FER: variants seen among roughly 807,000 people sequenced by gnomAD.
FER encodes the protein tyrosine-protein kinase Fer.
A neutral mutation model predicts 111.0 loss-of-function variants in FER; 63 were observed. The observed-to-expected ratio is 0.57, with a 90% confidence interval of 0.46 to 0.70. FER has a LOEUF of 0.70. Ranked by LOEUF, FER falls within the 30% of genes least tolerant of loss-of-function variation. The probability of loss-of-function intolerance (pLI) is 0.00; values close to 1 mark genes in which losing one functional copy is unlikely to be tolerated. For missense variants in FER, 914 were observed against 954.0 expected, an observed-to-expected ratio of 0.96 and a Z score of 0.55; for synonymous variants, 327 against 313.9, an observed-to-expected ratio of 1.04 and a Z score of -0.44.
At chr5:108,863,911 C>T (rs1371668638) in intron 5 of FER, among the ~76,000 whole-genome samples, 1 of 151,932 alleles carries the variant, frequency 6.6e-6, no homozygotes, top group Non-Finnish European at 1.5e-5. Context: ...AAGTTTTTTT[C>T]TTTCTTTCTG....
chr5:109,021,177 G>T (rs1186528126), intron 13 of FER, among the ~76,000 whole-genome samples: 1 of 151,930 alleles, frequency 6.6e-6, no homozygotes, highest in East Asian at 1.9e-4. Flanking sequence ...GCTGTACTCA[G>T]TGTTATCCTA....
chr5:108,833,657 G>A (rs560736866), intron 4 of FER, among the ~76,000 whole-genome samples: 10 of 152,084 alleles, frequency 6.6e-5, no homozygotes, highest in African/African-American at 2.4e-4. Context: ...GGCGGATCAC[G>A]AGGTCAGGAG....
At chr5:108,975,173 G>A (rs1761169175) in intron 13 of FER, among the ~76,000 whole-genome samples, 1 of 152,162 alleles carries the variant, frequency 6.6e-6, no homozygotes, top group Admixed American at 6.5e-5. Context: ...AACACTGCAT[G>A]TTCTCACTCA....
intron 8 of FER, among the ~76,000 whole-genome samples, chr5:108,878,522 G>C (rs934133132): frequency 2.6e-5 from 4 of 151,982 alleles, no homozygotes; most frequent in Non-Finnish European, 4.4e-5. Context: ...AATGTGTACA[G>C]TGTTTTACTA....
chr5:108,974,441 A>T (rs898830051), intron 13 of FER, among the ~76,000 whole-genome samples: 1 of 152,308 alleles, frequency 6.6e-6, no homozygotes, highest in South Asian at 2.1e-4. Context: ...GCACATTTGA[A>T]GAACTATTTG....
intron 2 of FER, chr5:108,785,099 G>A: frequency 4.4e-6 from 2 of 455,164 alleles, no homozygotes; most frequent in East Asian, 9.4e-5. Flanking sequence ...CCCTATCACT[G>A]TCTCCTGTAG....
At chr5:108,839,003 T>TC (rs1211635176) in intron 5 of FER, among the ~76,000 whole-genome samples, 1 of 152,124 alleles carries the variant, frequency 6.6e-6, no homozygotes, top group Non-Finnish European at 1.5e-5. Flanking sequence ...TGGAGGTGTT[T>TC]CTTTTTTTTT....
chr5:108,889,679 A>G (rs1380036506), intron 9 of FER, among the ~76,000 whole-genome samples: 1 of 151,960 alleles, frequency 6.6e-6, no homozygotes, highest in Non-Finnish European at 1.5e-5. Context: ...AGGATAGTTT[A>G]TAACACAAAG....
intron 13 of FER, among the ~76,000 whole-genome samples, chr5:109,020,094 T>G (rs1473356548): frequency 6.6e-6 from 1 of 152,020 alleles, no homozygotes; most frequent in African/African-American, 2.4e-5. Flanking sequence ...CTCTTAATGA[T>G]TGGCTTTCTG....
rs568101745 is a variant in FER at position 109,189,608 on chromosome 5, C to CACTT, written c.*2036_*2039dup. ...ACTCAGAAGTGCTATGGTATTGAGGCACTTACCAACCTTCAAAAGTAAGAG... is the reference window on the plus strand; with the variant it reads ...ACTCAGAAGTGCTATGGTATTGAGGCACTTACTTACCAACCTTCAAAAGTAAGAG... On this transcript the variant is annotated 3_prime_UTR_variant, in exon 20 of 20. Coordinates refer to ENST00000281092, the MANE Select transcript of FER (RefSeq NM_005246.4). The CACTT allele has an allele frequency of 8.2e-4, 125 of 152,294 alleles. No homozygotes were observed. Among genetic ancestry groups the CACTT allele is most frequent in the African/African-American group, 2.7e-3 (114 of 41,564 alleles). The allele number at this position is 152,294 out of a possible 1,614,324, so 9.4% of individuals were successfully genotyped here.
intron 2 of FER, among the ~76,000 whole-genome samples, chr5:108,777,643 C>T (rs13177718): frequency 0.051 from 7,725 of 152,198 alleles, 285 homozygotes; most frequent in Non-Finnish European, 0.074. Context: ...TGTATGAGTC[C>T]ATTTTCACAC....
At chr5:109,023,608 G>T (rs563326920) in intron 13 of FER, among the ~76,000 whole-genome samples, 6 of 151,756 alleles carry the variant, frequency 4.0e-5, no homozygotes, top group Non-Finnish European at 8.8e-5. Context: ...GTTCCCTTAT[G>T]TCCATTTTTA....
chr5:109,086,962 A>C (rs914219465), intron 16 of FER, among the ~76,000 whole-genome samples: 2 of 148,392 alleles, frequency 1.3e-5, no homozygotes, highest in Non-Finnish European at 3.0e-5. Flanking sequence ...GTCTGTGTCT[A>C]ATCTCCTCCT....
At position 108,833,018 on chromosome 5, in the gene FER, T is replaced by A. The variant is rs1760210510; in HGVS notation, c.381+75T>A. ...ACAGAAATATTTTACCTTATTTGGC[T>A]TTAAAAATTGTTTATTCATCATTTC... On this transcript the variant is annotated intron_variant, in intron 4 of 19. Coordinates refer to ENST00000281092, the MANE Select transcript of FER (RefSeq NM_005246.4). 41 of 1,352,030 alleles carry A rather than the reference T, an allele frequency of 3.0e-5. No homozygotes were observed. The East Asian group carries it at 9.8e-4, about 32-fold the overall frequency. The allele number at this position is 1,352,030 out of a possible 1,614,324, so 83.8% of individuals were successfully genotyped here.
chr5:108,757,506 A>G (rs1751250366), intron 1 of FER, among the ~76,000 whole-genome samples: 1 of 152,218 alleles, frequency 6.6e-6, no homozygotes, highest in Non-Finnish European at 1.5e-5. Flanking sequence ...TGTTGAATTC[A>G]GTGAGTCTTT....
chr5:108,905,610 G>C lies in FER; in HGVS notation c.1236+7762G>C, dbSNP rs554557982. Among the ~76,000 whole-genome samples, 333 of 152,220 alleles carry C rather than the reference G, an allele frequency of 2.2e-3. 1 individual carries two copies. Among genetic ancestry groups the C allele is most frequent in the African/African-American group, 7.7e-3 (322 of 41,560 alleles). On this transcript the variant is annotated intron_variant, in intron 10 of 19. Coordinates refer to ENST00000281092, the MANE Select transcript of FER (RefSeq NM_005246.4). ...GGTTTTTTGGGAAAGGTGGGTCAAA[G>C]AGATTTAGAAGCTGTTACAGGATTT...
At chr5:108,761,145 G>A (rs1203509810) in intron 1 of FER, among the ~76,000 whole-genome samples, 1 of 152,048 alleles carries the variant, frequency 6.6e-6, no homozygotes, top group Non-Finnish European at 1.5e-5. Context: ...TGTCAGGCTG[G>A]TCTCGAACCC....
rs187797128 is a variant in FER, at chr5:109,091,533, A to G, written c.1925-8863A>G. On this transcript the variant is annotated intron_variant, in intron 16 of 19. Transcript: ENST00000281092. ...AGAGCCACCACAGAGAGCCCCGACT[A>G]GAGCAATGCCTAGCAGTCAGGGGCT... Among the ~76,000 whole-genome samples, 8 of 152,302 alleles carry G rather than the reference A, an allele frequency of 5.3e-5. No individual in the cohort carries two copies. In the East Asian group the frequency reaches 1.5e-3, roughly 29 times the overall value.
Position 109,118,632 on chromosome 5 carries a change from G to C in FER, c.2048+18113G>C, listed in dbSNP as rs184311261. On this transcript the variant is annotated intron_variant, in intron 17 of 19. Coordinates refer to ENST00000281092, the MANE Select transcript of FER (RefSeq NM_005246.4). ...TAGAACTCAGCTGTGAATCCATCTG[G>C]TCCTGGACTTTTTTTGGTTGGTAGG... is the stretch of plus-strand genomic sequence containing the variant. Among the ~76,000 whole-genome samples the C allele has an allele frequency of 3.0e-3, 464 of 152,184 alleles. 1 individual carries two copies. The highest frequency in any genetic ancestry group is 0.011 in the African/African-American group (438 of 41,522).
Sources: gnomAD v4.1 joint callset for allele counts (sites outside exome capture counted in the v4.1 genomes callset) on GRCh38, gnomAD v4.1.1 for gene constraint, MANE v1.5 for transcripts, NCBI Gene and HGNC (gene_info 2026-07-23, HGNC 2026-07-21) for gene names.